S100Z: variants seen among roughly 807,000 people sequenced by gnomAD.
S100Z encodes protein S100-Z.
Under a neutral mutation model 8.5 loss-of-function variants are expected in S100Z, and 11 were observed. That is an observed-to-expected ratio of 1.30 (90% CI 0.82 to 2.15). The LOEUF (loss-of-function observed/expected upper bound fraction) is 2.15, where lower values mean the gene tolerates loss of function less well. Ranked by LOEUF, S100Z falls within the 30% of genes most tolerant of loss-of-function variation. S100Z has a pLI of 0.00. For missense variants in S100Z, 126 were observed against 117.9 expected, an observed-to-expected ratio of 1.07 and a Z score of -0.32; for synonymous variants, 34 against 43.8, an observed-to-expected ratio of 0.78 and a Z score of 0.89.
chr5:76,852,307 T>G (rs1219087000), intron 1 of S100Z, among the ~76,000 whole-genome samples: 1 of 152,140 alleles, frequency 6.6e-6, no homozygotes, highest in African/African-American at 2.4e-5. Context: ...TTTTTTTTTC[T>G]TAGTCTCAAT....
chr5:76,952,947 C>A, the S100Z span: 1 of 594,642 alleles, frequency 1.7e-6, no homozygotes, highest in Non-Finnish European at 3.0e-6. Flanking sequence ...GTCAATGAGA[C>A]AGGGTAACCC....
intron 1 of S100Z, among the ~76,000 whole-genome samples, chr5:76,855,669 G>A (rs1750861726): frequency 6.6e-6 from 1 of 152,168 alleles, no homozygotes; most frequent in Non-Finnish European, 1.5e-5. Context: ...AGGCTTATTT[G>A]TAGAAGGGAG....
At chr5:76,867,251 C>T (rs748118827) in intron 1 of S100Z, among the ~76,000 whole-genome samples, 5 of 152,188 alleles carry the variant, frequency 3.3e-5, no homozygotes, top group Non-Finnish European at 5.9e-5. Context: ...GTCCGTCCCT[C>T]CCACTGAGAT....
At chr5:76,919,306 A>G (rs557386672) in intron 4 of S100Z, among the ~76,000 whole-genome samples, 25 of 152,352 alleles carry the variant, frequency 1.6e-4, no homozygotes, top group African/African-American at 5.8e-4. Flanking sequence ...CATTGCCACC[A>G]GCAATGAATG....
the S100Z span, among the ~76,000 whole-genome samples, chr5:76,937,053 C>T: frequency 3.3e-5 from 5 of 152,190 alleles, no homozygotes; most frequent in Non-Finnish European, 7.3e-5. Flanking sequence ...TTATGCTCAG[C>T]AAATCCCGGC....
At position 76,906,926 on chromosome 5, in the gene S100Z, C is replaced by T. The variant is rs185001621; in HGVS notation, c.*3-13791C>T. On this transcript the variant is annotated intron_variant, in intron 4 of 4. Transcript: ENST00000317593. ...GATTACAAGCGAAAGCCATTGCCCC[C>T]GCCAAATTTCCTTCTTTTTAAAGGC... Among the ~76,000 whole-genome samples the T allele has an allele frequency of 3.3e-3, 491 of 148,720 alleles. 8 individuals carry two copies. Among genetic ancestry groups the T allele is most frequent in the East Asian group, 0.028 (142 of 5,028 alleles).
chr5:76,858,506 G>C (rs1203749275), intron 1 of S100Z, among the ~76,000 whole-genome samples: 1 of 149,706 alleles, frequency 6.7e-6, no homozygotes. Flanking sequence ...CGGGGCAGCA[G>C]AGTGAGACCC....
chr5:76,906,596 A>G (rs1744429065), intron 4 of S100Z, among the ~76,000 whole-genome samples: 1 of 151,780 alleles, frequency 6.6e-6, no homozygotes, highest in African/African-American at 2.4e-5. Flanking sequence ...TGTTGCTGCA[A>G]ATGACACAAT....
intron 4 of S100Z, among the ~76,000 whole-genome samples, chr5:76,906,376 GT>G (rs1744422580): frequency 6.6e-6 from 1 of 152,084 alleles, no homozygotes; most frequent in East Asian, 1.9e-4. Context: ...ATCTCCAAAA[GT>G]TTTTATCCTG....
chr5:76,943,465 G>T, the S100Z span, among the ~76,000 whole-genome samples: 5 of 152,172 alleles, frequency 3.3e-5, no homozygotes, highest in Non-Finnish European at 5.9e-5. Flanking sequence ...CAAAGAATTT[G>T]CAGACAAGTT....
downstream of S100Z, among the ~76,000 whole-genome samples, chr5:76,926,503 A>T (rs1249276668): frequency 6.6e-6 from 1 of 152,142 alleles, no homozygotes; most frequent in East Asian, 1.9e-4. Flanking sequence ...CCCTCCCTGG[A>T]CTGGCTGCTC....
At chr5:76,877,315 C>G (rs1385809599) in intron 3 of S100Z, among the ~76,000 whole-genome samples, 1 of 152,102 alleles carries the variant, frequency 6.6e-6, no homozygotes, top group East Asian at 1.9e-4. Context: ...TATTTTTCTC[C>G]TTTTTGGCTT....
chr5:76,882,817 A>G (rs1561234550), intron 4 of S100Z, among the ~76,000 whole-genome samples: 1 of 152,184 alleles, frequency 6.6e-6, no homozygotes, highest in Non-Finnish European at 1.5e-5. Flanking sequence ...GAAAGCAAAG[A>G]GAGTCTAGGA....
At chr5:76,936,010 C>A in the S100Z span, among the ~76,000 whole-genome samples, 1 of 152,148 alleles carries the variant, frequency 6.6e-6, no homozygotes, top group South Asian at 2.1e-4. Context: ...CTCCTGATCT[C>A]AGGTGATCTG....
chr5:76,855,843 T>C (rs1198185391), intron 1 of S100Z, among the ~76,000 whole-genome samples: 1 of 152,162 alleles, frequency 6.6e-6, no homozygotes, highest in East Asian at 1.9e-4. Context: ...TTTGGATCTG[T>C]GTCCCCATCA....
At chr5:76,863,781 A>G (rs2460496) in intron 1 of S100Z, among the ~76,000 whole-genome samples, 151,113 of 152,122 alleles carry the variant, frequency 0.99, 75,062 homozygotes, top group East Asian at 1. Flanking sequence ...CTTGTGATCC[A>G]CCCACCTTGG....
the S100Z span, among the ~76,000 whole-genome samples, chr5:76,930,977 C>T: frequency 3.9e-5 from 6 of 152,094 alleles, no homozygotes; most frequent in African/African-American, 1.4e-4. Flanking sequence ...ATGGGGTCGG[C>T]AAAGTTAACA....
rs140527565 is a variant in S100Z, at chr5:76,876,537, T to G, written c.141+1037T>G. Among the ~76,000 whole-genome samples, 60 of 151,944 alleles carry G rather than the reference T, an allele frequency of 3.9e-4. No individual in the cohort carries two copies. In the Middle Eastern group the frequency reaches 0.017, roughly 43 times the overall value. On this transcript the variant is annotated intron_variant, in intron 3 of 4. Coordinates refer to ENST00000317593, the MANE Select transcript of S100Z (RefSeq NM_130772.4). ...GCATGCACCACGACACCCAGCTAAG[T>G]TTTTTGTATTTTTAGTAGAGACAGA...
intron 3 of S100Z, among the ~76,000 whole-genome samples, chr5:76,876,509 C>T (rs1743198943): frequency 6.6e-6 from 1 of 151,970 alleles, no homozygotes; most frequent in African/African-American, 2.4e-5. Context: ...ACTGGGATTA[C>T]AGGCATGCAC....
Sources: gnomAD v4.1 joint callset for allele counts (sites outside exome capture counted in the v4.1 genomes callset) on GRCh38, gnomAD v4.1.1 for gene constraint, MANE v1.5 for transcripts, NCBI Gene and HGNC (gene_info 2026-07-23, HGNC 2026-07-21) for gene names.